Variants in TIMP2 observed in about 807,000 individuals in gnomAD.
TIMP2 encodes the protein metalloproteinase inhibitor 2.
A neutral mutation model predicts 24.3 loss-of-function variants in TIMP2; 5 were observed. That is an observed-to-expected ratio of 0.21 (90% CI 0.11 to 0.43). TIMP2 has a LOEUF of 0.43. Ranked by LOEUF, TIMP2 falls within the 20% of genes least tolerant of loss-of-function variation. TIMP2 has a pLI of 1.00. For missense variants in TIMP2, 221 were observed against 297.5 expected (o/e 0.74, Z 1.89); for synonymous variants, 130 against 123.2 (o/e 1.06, Z -0.37).
chr17:78,856,995 C>CTT (rs906396450), intron 4 of TIMP2: 7 of 149,222 alleles, frequency 4.7e-5, no homozygotes, highest in Non-Finnish European at 1.0e-4. Context: ...ACATCTCCCT[C>CTT]TTTTTTTTTT....
In TIMP2 at chr17:78,855,504, A is replaced by G. The variant is rs990253715; in HGVS notation, c.*163T>C. 1.9e-5 allele frequency: 16 copies of G among 860,120 alleles called. No individual in the cohort carries two copies. The highest frequency in any genetic ancestry group is 2.6e-5 in the Non-Finnish European group (15 of 567,210). The allele number at this position is 860,120 out of a possible 1,614,324, so 53.3% of individuals were successfully genotyped here. A position where few individuals can be genotyped will look rare whatever the true frequency, so the allele number is the denominator to read the frequency against. The stretch of plus-strand genomic sequence containing the variant: ...GACCCACGTCTCCCTCCAGACCCAC[A>G]ACCATGTCTAAAAGGAGAAGGGGGG... On this transcript the variant is annotated 3_prime_UTR_variant, in exon 5 of 5. Transcript: ENST00000262768. This position sits in a 1 kb window ranked among gnomAD's most constrained non-coding sequence, Gnocchi z 6.0.
intron 1 of TIMP2, among the ~76,000 whole-genome samples, chr17:78,883,649 T>C (rs538820048): frequency 2.6e-4 from 39 of 152,260 alleles, no homozygotes; most frequent in African/African-American, 9.4e-4. Context: ...CCTGAGATTC[T>C]AGTGCACGTG....
intron 3 of TIMP2, among the ~76,000 whole-genome samples, chr17:78,864,376 C>T (rs890952965): frequency 6.7e-6 from 1 of 150,302 alleles, no homozygotes; most frequent in Non-Finnish European, 1.5e-5. Context: ...CCTCCCTCCC[C>T]CTTCCTCCCT....
rs150119331 is a variant in TIMP2 at position 78,912,223 on chromosome 17, G to A, written c.130+12736C>T. Among the ~76,000 whole-genome samples, 26 of 152,228 alleles carry A rather than the reference G, an allele frequency of 1.7e-4. No individual in the cohort carries two copies. The East Asian group carries it at 5.0e-3, about 29-fold the overall frequency. Reference sequence around the variant, plus strand: ...TCTTTTCTCCAATACTTTTCATGTCGCCTCTTTTCTCTGAAATGTCCATTT... The same window carrying A: ...TCTTTTCTCCAATACTTTTCATGTCACCTCTTTTCTCTGAAATGTCCATTT... On this transcript the variant is annotated intron_variant, in intron 1 of 4. Coordinates refer to ENST00000262768, the MANE Select transcript of TIMP2 (RefSeq NM_003255.5).
intron 1 of TIMP2, among the ~76,000 whole-genome samples, chr17:78,877,907 C>A (rs2069742823): frequency 1.3e-5 from 2 of 151,974 alleles, no homozygotes; most frequent in South Asian, 4.2e-4. Flanking sequence ...GGGGTTTCAC[C>A]ATGCTGGCCA....
At chr17:78,918,609 C>CA (rs2070283902) in intron 1 of TIMP2, among the ~76,000 whole-genome samples, 1 of 152,200 alleles carries the variant, frequency 6.6e-6, no homozygotes, top group South Asian at 2.1e-4. Flanking sequence ...CACCCCCCGA[C>CA]ACTGAGGTGG....
chr17:78,891,254 G>T lies in TIMP2; in HGVS notation c.131-17335C>A. 1.9e-6 allele frequency: 3 copies of T among 1,550,630 alleles called. No homozygotes were observed. The highest frequency in any genetic ancestry group is 1.7e-4 in the Middle Eastern group (1 of 5,992). On this transcript the variant is annotated intron_variant, in intron 1 of 4. Transcript: ENST00000262768. The surrounding 1 kb of genome is among the most constrained non-coding windows in gnomAD (Gnocchi z 4.5). ...CGTTTTCAAGTCGGTCTTGGACGCTGCCTGCTGCGCCTCCTCCTCTGCTGG... is the reference window on the plus strand; with the variant it reads ...CGTTTTCAAGTCGGTCTTGGACGCTTCCTGCTGCGCCTCCTCCTCTGCTGG...
intron 1 of TIMP2, among the ~76,000 whole-genome samples, chr17:78,880,878 T>G (rs370615709): frequency 1.3e-5 from 2 of 152,204 alleles, no homozygotes; most frequent in African/African-American, 4.8e-5. Flanking sequence ...AGGCCCAAGT[T>G]TGGGACAGGC....
At chr17:78,884,410 C>G (rs772927872) in intron 1 of TIMP2, among the ~76,000 whole-genome samples, 1 of 152,186 alleles carries the variant, frequency 6.6e-6, no homozygotes, top group Non-Finnish European at 1.5e-5. Flanking sequence ...CCTGGCTGTT[C>G]GTCGGACCCA....
Position 78,855,934 on chromosome 17 carries a change from G to A in TIMP2, c.466-70C>T, listed in dbSNP as rs1346630916. On this transcript the variant is annotated intron_variant, in intron 4 of 4. Transcript: ENST00000262768. This position sits in a 1 kb window ranked among gnomAD's most constrained non-coding sequence, Gnocchi z 6.0. ...AGGGGTGGGCAGAGGCTGCTCTGGG[G>A]GCATGTCCAGAACCCGGCAATGTGC... The A allele has an allele frequency of 4.0e-6, 6 of 1,502,330 alleles. No individual in the cohort carries two copies. The East Asian group carries it at 6.8e-5, about 17-fold the overall frequency. The allele number at this position is 1,502,330 out of a possible 1,614,324, so 93.1% of individuals were successfully genotyped here.
At chr17:78,912,929 G>A (rs557432293) in intron 1 of TIMP2, among the ~76,000 whole-genome samples, 1 of 152,284 alleles carries the variant, frequency 6.6e-6, no homozygotes, top group South Asian at 2.1e-4. Flanking sequence ...ACTAGGCCAG[G>A]CACCGTGGCA....
At chr17:78,870,539 T>C (rs1228004572) in intron 3 of TIMP2, among the ~76,000 whole-genome samples, 1 of 152,054 alleles carries the variant, frequency 6.6e-6, no homozygotes, top group Non-Finnish European at 1.5e-5. Context: ...GTCAAGCAGG[T>C]CTCGTGCATA....
intron 1 of TIMP2, among the ~76,000 whole-genome samples, chr17:78,886,432 A>ACCCTCTCTG (rs2069826021): frequency 6.6e-6 from 1 of 152,062 alleles, no homozygotes; most frequent in Non-Finnish European, 1.5e-5. Flanking sequence ...ATGCCATAAC[A>ACCCTCTCTG]CCCTCTCTGC....
intron 1 of TIMP2, among the ~76,000 whole-genome samples, chr17:78,888,449 C>T (rs986263818): frequency 9.2e-5 from 14 of 151,534 alleles, no homozygotes; most frequent in South Asian, 4.2e-4. Flanking sequence ...TGTGAGCCAC[C>T]GCGTCCAGTA....
chr17:78,877,707 CTT>C (rs781320147), intron 1 of TIMP2, among the ~76,000 whole-genome samples: 24 of 142,710 alleles, frequency 1.7e-4, no homozygotes, highest in Admixed American at 1.4e-4. Flanking sequence ...TTCTTTCTTT[CTT>C]TTTTTTTTTT....
At position 78,855,478 on chromosome 17, in the gene TIMP2, G is replaced by T; in HGVS notation, c.*189C>A. On this transcript the variant is annotated 3_prime_UTR_variant, in exon 5 of 5. Coordinates refer to ENST00000262768, the MANE Select transcript of TIMP2 (RefSeq NM_003255.5). This position sits in a 1 kb window ranked among gnomAD's most constrained non-coding sequence, Gnocchi z 6.0. The stretch of plus-strand genomic sequence containing the variant: ...AGAGGGAGGATGGGATGAGGACCTT[G>T]GACCCACGTCTCCCTCCAGACCCAC... 1.5e-6 allele frequency: 1 copy of T among 684,372 alleles called. No individual in the cohort carries two copies. The highest frequency in any genetic ancestry group is 2.4e-6 in the Non-Finnish European group (1 of 413,196). The allele number at this position is 684,372 out of a possible 1,614,324, so 42.4% of individuals were successfully genotyped here.
chr17:78,863,255 T>TG (rs929574278), intron 3 of TIMP2, among the ~76,000 whole-genome samples: 1 of 152,176 alleles, frequency 6.6e-6, no homozygotes, highest in Admixed American at 6.5e-5. Context: ...TTATTTTTTT[T>TG]GGGTGGGGGG....
At chr17:78,892,263 T>A (rs1214199698) in intron 1 of TIMP2, 1 of 1,550,852 alleles carries the variant, frequency 6.4e-7, no homozygotes, top group East Asian at 2.4e-5. Flanking sequence ...TGTAGCAATT[T>A]GTGCTTTTTC....
chr17:78,876,368 T>A (rs533316482), intron 1 of TIMP2, among the ~76,000 whole-genome samples: 26 of 152,186 alleles, frequency 1.7e-4, no homozygotes, highest in African/African-American at 5.1e-4. Flanking sequence ...CTTTTTTTTT[T>A]AGACAGAGTC....
Sources: allele counts gnomAD v4.1 joint callset (sites outside exome capture counted in the v4.1 genomes callset), GRCh38; gene constraint gnomAD v4.1.1; non-coding constraint Gnocchi (gnomAD v3.1); transcripts MANE v1.5; gene names NCBI Gene and HGNC (gene_info 2026-07-23, HGNC 2026-07-21).